Variants in TIMD4 observed in about 807,000 individuals in gnomAD.
TIMD4 encodes T cell immunoglobulin and mucin domain containing 4.
In TIMD4, 31 loss-of-function variants were observed where a neutral mutation model predicts 41.2. The ratio of observed to expected loss-of-function variants is 0.75; its 90% confidence interval spans 0.57 to 1.01. TIMD4 has a LOEUF of 1.01. TIMD4 is among the 50% of genes least tolerant of loss of function. TIMD4 has a pLI of 0.00. For synonymous variants in TIMD4, 204 were observed against 177.1 expected, an observed-to-expected ratio of 1.15 and a Z score of -1.21; for missense variants, 479 against 472.5, an observed-to-expected ratio of 1.01 and a Z score of -0.13.
chr5:156,939,008 C>G (rs1759590274), intron 5 of TIMD4, among the ~76,000 whole-genome samples: 1 of 152,160 alleles, frequency 6.6e-6, no homozygotes. Flanking sequence ...GCTTTTCTTC[C>G]TCCACCACAA....
At chr5:156,929,605 C>T (rs975715662) in intron 5 of TIMD4, among the ~76,000 whole-genome samples, 1 of 152,196 alleles carries the variant, frequency 6.6e-6, no homozygotes, top group African/African-American at 2.4e-5. Flanking sequence ...GCCAGGGAAT[C>T]CCTGGAGTAC....
chr5:156,961,829 AAAAAAAAG>A (rs1480332466), intron 1 of TIMD4, among the ~76,000 whole-genome samples: 1 of 148,230 alleles, frequency 6.7e-6, no homozygotes, highest in African/African-American at 2.5e-5. Flanking sequence ...AAAAAAAAAA[AAAAAAAAG>A]AAAGAAAAAA....
chr5:156,955,266 C>T (rs972994384), intron 1 of TIMD4, among the ~76,000 whole-genome samples: 3 of 152,172 alleles, frequency 2.0e-5, no homozygotes, highest in Non-Finnish European at 4.4e-5. Flanking sequence ...CCAATAAACT[C>T]TTACATGAAA....
intron 6 of TIMD4, chr5:156,924,454 G>A (rs1209755255): frequency 4.1e-6 from 2 of 489,736 alleles, no homozygotes; most frequent in South Asian, 1.6e-5. Flanking sequence ...TTTTTTCCAG[G>A]ACTGGGTGTT....
At chr5:156,941,358 A>G (rs1381410008) in intron 5 of TIMD4, among the ~76,000 whole-genome samples, 3 of 152,216 alleles carry the variant, frequency 2.0e-5, no homozygotes, top group Non-Finnish European at 2.9e-5. Context: ...CATGACTCTG[A>G]AATAAAATAT....
In TIMD4 at chr5:156,922,103, CAGGAGAAA is replaced by C; in HGVS notation, c.1000_1007del (p.Phe334GlufsTer22). 1 of 1,613,188 alleles carries C rather than the reference CAGGAGAAA, an allele frequency of 6.2e-7. No individual in the cohort carries two copies. Among genetic ancestry groups the C allele is most frequent in the Non-Finnish European group, 8.5e-7 (1 of 1,179,500 alleles). On this transcript the variant is annotated frameshift_variant, in exon 7 of 9. Transcript: ENST00000274532. LOFTEE classifies it low-confidence loss of function (END_TRUNC). ...CACCTGGCCCTCCCTCCTTACCTCT[CAGGAGAAA>C]CGCCACAAACAATGCGAAGAGCACA...
At chr5:156,925,766 G>C (rs79388237) in intron 6 of TIMD4, among the ~76,000 whole-genome samples, 5,453 of 152,258 alleles carry the variant, frequency 0.036, 142 homozygotes, top group South Asian at 0.054. Flanking sequence ...TAACAATCAA[G>C]GTTATTTCTG....
At chr5:156,963,119 T>C (rs746788180) in intron 1 of TIMD4, 22 bp downstream of exon 1, 25 of 1,612,740 alleles carry the variant, frequency 1.6e-5, no homozygotes, top group Non-Finnish European at 2.0e-5. Flanking sequence ...AACTTCTACA[T>C]AGAAGGTTTC....
intron 2 of TIMD4, among the ~76,000 whole-genome samples, chr5:156,952,377 C>A (rs1189119232): frequency 2.0e-5 from 3 of 152,082 alleles, no homozygotes; most frequent in Non-Finnish European, 2.9e-5. Flanking sequence ...GATAAAGAAC[C>A]CAGTCCTGCA....
chr5:156,926,010 T>C (rs780989764), intron 6 of TIMD4, among the ~76,000 whole-genome samples: 3 of 152,232 alleles, frequency 2.0e-5, no homozygotes, highest in Non-Finnish European at 4.4e-5. Flanking sequence ...TTCAAGCAAT[T>C]CTCATGCCTC....
Position 156,951,724 on chromosome 5 carries a change from G to T in TIMD4, c.467C>A (p.Thr156Asn), listed in dbSNP as rs900110497. 11 of 1,614,100 alleles carry T rather than the reference G, an allele frequency of 6.8e-6. No homozygotes were observed. The highest frequency in any genetic ancestry group is 7.6e-6 in the Non-Finnish European group (9 of 1,180,022). Reference sequence around the variant, plus strand: ...TGGGGTTGTTGTCATTTGTCGGGTGGTGGTGGGGCTTGTTGTTGTTGTTCT... The same window carrying T: ...TGGGGTTGTTGTCATTTGTCGGGTGTTGGTGGGGCTTGTTGTTGTTGTTCT... ...TRRTTTTSPT[T>N]TRQMTTTPAA... Residue 156 changes from threonine to asparagine, a missense_variant, in exon 3 of 9, where the codon ACC (threonine) becomes AAC (asparagine). Thr to Asn is a moderately conservative substitution (Grantham distance 65). Transcript: ENST00000274532.
At chr5:156,925,644 G>C (rs1432507489) in intron 6 of TIMD4, among the ~76,000 whole-genome samples, 3 of 152,186 alleles carry the variant, frequency 2.0e-5, no homozygotes, top group Admixed American at 6.5e-5. Context: ...GGCAGGTGTT[G>C]ATTCTGCAGT....
At chr5:156,922,022 G>C (rs563194244) in intron 7 of TIMD4, 77 bp downstream of exon 7, 1 of 1,120,618 alleles carries the variant, frequency 8.9e-7, no homozygotes, top group African/African-American at 1.6e-5. Context: ...AAAGGGGAAG[G>C]AAGTGGAGAC....
chr5:156,923,171 CAG>C (rs1285874812), intron 6 of TIMD4, among the ~76,000 whole-genome samples: 1 of 138,996 alleles, frequency 7.2e-6, no homozygotes, highest in African/African-American at 2.7e-5. Flanking sequence ...TTTTTTGACA[CAG>C]AGTCTCACTC....
intron 5 of TIMD4, among the ~76,000 whole-genome samples, chr5:156,941,505 T>C (rs1259256046): frequency 1.3e-5 from 2 of 152,242 alleles, no homozygotes; most frequent in Non-Finnish European, 2.9e-5. Flanking sequence ...CCGTCTTTGC[T>C]CATGCTGTTC....
chr5:156,934,196 T>C (rs1168127985), intron 5 of TIMD4, among the ~76,000 whole-genome samples: 1 of 152,266 alleles, frequency 6.6e-6, no homozygotes, highest in Non-Finnish European at 1.5e-5. Flanking sequence ...ATACATTTAT[T>C]GAGCTCTTAC....
chr5:156,945,025 A>G (rs1301679554), intron 5 of TIMD4, among the ~76,000 whole-genome samples: 1 of 152,196 alleles, frequency 6.6e-6, no homozygotes, highest in Non-Finnish European at 1.5e-5. Context: ...GCCATCGAAA[A>G]TTACATGAAA....
Position 156,919,371 on chromosome 5 carries a change from T to C in TIMD4, c.*86A>G. ...GACATCCATGGAATAAGTGAGTCTTTTTTATGAAACAAGGAAATCTACTAA... is the reference window on the plus strand; with the variant it reads ...GACATCCATGGAATAAGTGAGTCTTCTTTATGAAACAAGGAAATCTACTAA... On this transcript the variant is annotated 3_prime_UTR_variant, in exon 9 of 9. Coordinates refer to ENST00000274532, the MANE Select transcript of TIMD4 (RefSeq NM_138379.3). The C allele has an allele frequency of 1.5e-6, 2 of 1,299,734 alleles. No homozygotes were observed. Among genetic ancestry groups the C allele is most frequent in the Middle Eastern group, 1.9e-4 (1 of 5,372 alleles). The allele number at this position is 1,299,734 out of a possible 1,614,324, so 80.5% of individuals were successfully genotyped here. A position where few individuals can be genotyped will look rare whatever the true frequency, so the allele number is the denominator to read the frequency against.
intron 5 of TIMD4, among the ~76,000 whole-genome samples, chr5:156,936,207 C>T (rs1310768775): frequency 6.6e-6 from 1 of 152,124 alleles, no homozygotes; most frequent in African/African-American, 2.4e-5. Flanking sequence ...CCACTGCACT[C>T]CAGCCTGAGC....
Sources: gnomAD v4.1 joint callset for allele counts (sites outside exome capture counted in the v4.1 genomes callset) on GRCh38, gnomAD v4.1.1 for gene constraint, MANE v1.5 for transcripts, NCBI Gene and HGNC (gene_info 2026-07-23, HGNC 2026-07-21) for gene names.